FBP2: variants seen among roughly 807,000 people sequenced by gnomAD.
FBP2 encodes the protein fructose-bisphosphatase 2, also known as fructose-1,6-bisphosphatase isozyme 2.
A neutral mutation model predicts 31.6 loss-of-function variants in FBP2; 27 were observed. The observed-to-expected ratio is 0.85, with a 90% CI of 0.63 to 1.18. The LOEUF (loss-of-function observed/expected upper bound fraction) is 1.18, where lower values mean the gene tolerates loss of function less well. FBP2 is among the 50% of genes most tolerant of loss of function. The probability of loss-of-function intolerance (pLI) is 0.00; values close to 1 mark genes in which losing one functional copy is unlikely to be tolerated. For synonymous variants in FBP2, 168 were observed against 179.8 expected, an observed-to-expected ratio of 0.93 and a Z score of 0.53; for missense variants, 421 against 436.1, an observed-to-expected ratio of 0.97 and a Z score of 0.31.
rs1420187643 is a variant in FBP2, at chr9:94,587,360, C to T, written c.280G>A (p.Val94Ile). Residue 94 changes from valine (V) to isoleucine (I), a missense_variant, in exon 2 of 7, where the codon GTC becomes ATC. Transcript: ENST00000375337. ...NMVQSSYSTC[V>I]LVSEENKDAI... The stretch of plus-strand genomic sequence containing the variant: ...TCCTTATTCTCTTCTGAGACCAGGA[C>T]GCAGGTACTATAGGAGGATTGGACC... 6.2e-7 allele frequency: 1 copy of T among 1,614,038 alleles called. No homozygotes were observed. Among genetic ancestry groups the T allele is most frequent in the Non-Finnish European group, 8.5e-7 (1 of 1,179,992 alleles).
At chr9:94,587,621 T>C (rs1587846019) in intron 1 of FBP2, 152 bp from the exon 2 acceptor site, 1 of 711,124 alleles carries the variant, frequency 1.4e-6, no homozygotes, top group East Asian at 2.5e-5. Flanking sequence ...CGATTATGCC[T>C]GGCAGGATAC....
intron 3 of FBP2, among the ~76,000 whole-genome samples, chr9:94,575,686 A>G (rs1827308815): frequency 6.6e-6 from 1 of 152,176 alleles, no homozygotes; most frequent in Admixed American, 6.5e-5. Flanking sequence ...AGGTCCTATC[A>G]AATGTTTTCC....
intron 5 of FBP2, among the ~76,000 whole-genome samples, chr9:94,566,462 G>T (rs541114589): frequency 9.8e-4 from 150 of 152,336 alleles, no homozygotes; most frequent in Admixed American, 1.7e-3. Flanking sequence ...CTTTAATTTG[G>T]CCCATCCCTT....
intron 5 of FBP2, among the ~76,000 whole-genome samples, chr9:94,565,205 C>G (rs551671820): frequency 1.7e-4 from 26 of 152,028 alleles, no homozygotes; most frequent in Non-Finnish European, 2.9e-4. Context: ...GAAATCCCAT[C>G]TCTACTAAAA....
chr9:94,581,011 T>C (rs930556877), intron 3 of FBP2, among the ~76,000 whole-genome samples: 1 of 152,226 alleles, frequency 6.6e-6, no homozygotes, highest in Non-Finnish European at 1.5e-5. Context: ...TAAGATTAAT[T>C]TATTAATTTT....
At chr9:94,576,343 GTTAA>G (rs1358141607) in intron 3 of FBP2, among the ~76,000 whole-genome samples, 1 of 152,144 alleles carries the variant, frequency 6.6e-6, no homozygotes, top group Non-Finnish European at 1.5e-5. Flanking sequence ...ACTAGTTGTG[GTTAA>G]TAAAGTCACT....
chr9:94,589,959 G>A (rs190975893), intron 1 of FBP2, among the ~76,000 whole-genome samples: 49 of 152,274 alleles, frequency 3.2e-4, no homozygotes, highest in Middle Eastern at 3.4e-3. Context: ...ATCTGAATGC[G>A]CTTGCCACTG....
intron 1 of FBP2, among the ~76,000 whole-genome samples, chr9:94,589,816 TC>T: frequency 7.1e-6 from 1 of 141,402 alleles, no homozygotes; most frequent in Non-Finnish European, 1.5e-5. Context: ...TGGAAAACAC[TC>T]CTAGCAGCCT....
rs776425803 is a variant in FBP2 at position 94,587,302 on chromosome 9, C to G, written c.333+5G>C. The G allele has an allele frequency of 2.5e-6, 4 of 1,607,566 alleles. No individual in the cohort carries two copies. The South Asian group carries it at 4.4e-5, about 18-fold the overall frequency. ...GCGAGCGGGCACCGCAGCCCCATGA[C>G]GCACCCGCTTCTCCTTGGCGGTGAT... On this transcript the variant is annotated splice_donor_5th_base_variant and intron_variant, in intron 2 of 6. Transcript: ENST00000375337.
At chr9:94,580,457 T>C (rs193121497) in intron 3 of FBP2, among the ~76,000 whole-genome samples, 1 of 152,218 alleles carries the variant, frequency 6.6e-6, no homozygotes, top group Non-Finnish European at 1.5e-5. Context: ...CCTCAAGTGA[T>C]CCACCTGCCT....
At chr9:94,592,252 G>T (rs1014981199) in intron 1 of FBP2, among the ~76,000 whole-genome samples, 1 of 152,186 alleles carries the variant, frequency 6.6e-6, no homozygotes, top group Non-Finnish European at 1.5e-5. Context: ...CAGGAAAAAA[G>T]CAAGGATAAT....
chr9:94,584,668 C>A lies in FBP2; in HGVS notation c.335G>T (p.Gly112Val), dbSNP rs773276927. 1 of 1,605,406 alleles carries A rather than the reference C, an allele frequency of 6.2e-7. No homozygotes were observed. The highest frequency in any genetic ancestry group is 8.5e-7 in the Non-Finnish European group (1 of 1,172,220). ...DAIITAKEKR[G>V]KYVVCFDPLD... is the part of the protein sequence containing the mutation. ...TGGGTCAAAGCAGACCACGTATTTC[C>A]CCTAAATCAGAGAGGAAAGCACCAA... Residue 112 changes from glycine to valine, a missense_variant and splice_region_variant, in exon 3 of 7, where the codon GGG (glycine) becomes GTG (valine). Coordinates refer to ENST00000375337, the MANE Select transcript of FBP2 (RefSeq NM_003837.4).
At chr9:94,584,468 C>A in intron 3 of FBP2, 109 bp downstream of exon 3, 1 of 712,680 alleles carries the variant, frequency 1.4e-6, no homozygotes, top group Non-Finnish European at 2.5e-6. Context: ...TGGCTTTTCT[C>A]GTTAGTGGGA....
rs990975066 is a variant in FBP2, at chr9:94,561,565, C to T, written c.825+1777G>A. The stretch of plus-strand genomic sequence containing the variant: ...TATTTTTAGTAGAGACGGGGTTTCA[C>T]TGTGTTAGCCAGGATGGTCTCGATC... On this transcript the variant is annotated intron_variant, in intron 6 of 6. Transcript: ENST00000375337. Among the ~76,000 whole-genome samples, 3 of 152,144 alleles carry T rather than the reference C, an allele frequency of 2.0e-5. No homozygotes were observed. The East Asian group carries it at 5.8e-4, about 30-fold the overall frequency.
At chr9:94,576,227 T>C (rs1412221999) in intron 3 of FBP2, among the ~76,000 whole-genome samples, 1 of 152,198 alleles carries the variant, frequency 6.6e-6, no homozygotes, top group Non-Finnish European at 1.5e-5. Flanking sequence ...CTCAGCACAA[T>C]TCTCTTGCAT....
At chr9:94,591,217 G>A (rs190312585) in intron 1 of FBP2, among the ~76,000 whole-genome samples, 1 of 152,228 alleles carries the variant, frequency 6.6e-6, no homozygotes, top group Non-Finnish European at 1.5e-5. Context: ...GGGGAGGCTC[G>A]GGCCGCACAG....
At chr9:94,580,233 ATTTG>A (rs1014133655) in intron 3 of FBP2, among the ~76,000 whole-genome samples, 2 of 152,136 alleles carry the variant, frequency 1.3e-5, no homozygotes, top group Non-Finnish European at 2.9e-5. Context: ...ATTGCCTTTT[ATTTG>A]TTTGTTTGTT....
intron 4 of FBP2, chr9:94,570,606 A>G (rs1421535305): frequency 6.6e-6 from 1 of 152,228 alleles, no homozygotes; most frequent in Non-Finnish European, 1.5e-5. Context: ...CAAGCCATAG[A>G]ATTTCTCAGG....
intron 2 of FBP2, among the ~76,000 whole-genome samples, chr9:94,586,195 C>T (rs961326812): frequency 5.3e-5 from 8 of 151,914 alleles, no homozygotes; most frequent in Non-Finnish European, 7.4e-5. Context: ...GCCAACATGG[C>T]GAAACCCCGT....
Sources: gnomAD v4.1 joint callset for allele counts (sites outside exome capture counted in the v4.1 genomes callset) on GRCh38, gnomAD v4.1.1 for gene constraint, MANE v1.5 for transcripts, NCBI Gene and HGNC (gene_info 2026-07-23, HGNC 2026-07-21) for gene names.